Variants in KIF13B observed in about 807,000 individuals in gnomAD.
KIF13B encodes kinesin-like protein KIF13B.
Under a neutral mutation model 222.0 loss-of-function variants are expected in KIF13B, and 127 were observed. That is an observed-to-expected ratio of 0.57 (90% CI 0.50 to 0.66). KIF13B has a LOEUF of 0.66. Among genes scored for constraint, KIF13B ranks in the 30% least tolerant of loss-of-function variants. The pLI, the probability that KIF13B is intolerant of heterozygous loss-of-function variation, is 0.00. For synonymous variants in KIF13B, 976 were observed against 919.0 expected (o/e 1.06, Z -1.12); for missense variants, 2,173 against 2,379.0 (o/e 0.91, Z 1.80).
At chr8:29,243,410 A>C (rs1171836235) in intron 2 of KIF13B, among the ~76,000 whole-genome samples, 1 of 151,472 alleles carries the variant, frequency 6.6e-6, no homozygotes, top group African/African-American at 2.4e-5. Context: ...TAATCCCAGC[A>C]CTTTGGGAGG....
At chr8:29,084,481 T>C (rs1034299394) in intron 37 of KIF13B, among the ~76,000 whole-genome samples, 4 of 152,212 alleles carry the variant, frequency 2.6e-5, no homozygotes, top group Non-Finnish European at 4.4e-5. Context: ...TTTATCTACC[T>C]ACCACACGTG....
chr8:29,211,710 G>T (rs993673119), intron 2 of KIF13B, among the ~76,000 whole-genome samples: 2 of 152,224 alleles, frequency 1.3e-5, no homozygotes, highest in Non-Finnish European at 2.9e-5. Context: ...GAGCTTGCAC[G>T]GGGCTTGGAG....
Position 29,167,483 on chromosome 8 carries a change from C to T in KIF13B, c.1048G>A (p.Ala350Thr), listed in dbSNP as rs757905032. 1.2e-6 allele frequency: 2 copies of T among 1,613,850 alleles called. No homozygotes were observed. Among genetic ancestry groups the T allele is most frequent in the African/African-American group, 2.7e-5 (2 of 74,918 alleles). The change falls in exon 11 of 40, where the codon GCC (alanine) becomes ACC (threonine). Residue 350 changes from alanine to threonine, a missense_variant. Ala to Thr is a moderately conservative substitution (Grantham distance 58). This residue lies in a region of KIF13B where 1,480 missense variants were observed against 1,722.8 expected (regional missense o/e 0.86). Transcript: ENST00000524189. Reference protein sequence around the residue: ...TLSTLRYADRAKHIVNHAVVN... With the variant: ...TLSTLRYADRTKHIVNHAVVN... ...ACAGCGTGGTTTACAATGTGCTTGG[C>T]TCGATCTGCATACCGCAGAGTTGAG...
At position 29,147,401 on chromosome 8, in the gene KIF13B, G is replaced by A. The variant is rs1261348356; in HGVS notation, c.2015C>T (p.Ala672Val). ...CCTCTGTGCCGCCTACCTCTCCTCAGCCCACTGTCTTAAGCGTTGCTGAGC... is the reference window on the plus strand; with the variant it reads ...CCTCTGTGCCGCCTACCTCTCCTCAACCCACTGTCTTAAGCGTTGCTGAGC... ...PSAQQRLRQW[A>V]EEREATLNNS... Residue 672 changes from alanine (A) to valine (V), a missense_variant, in exon 17 of 40, where the codon GCT becomes GTT. Physicochemically the swap from Ala to Val is moderately conservative, Grantham distance 64 (BLOSUM62 0). Transcript: ENST00000524189. The A allele has an allele frequency of 6.2e-7, 1 of 1,603,752 alleles. No homozygotes were observed. Among genetic ancestry groups the A allele is most frequent in the South Asian group, 1.1e-5 (1 of 89,034 alleles).
At chr8:29,093,538 A>G (rs1808392988) in intron 36 of KIF13B, among the ~76,000 whole-genome samples, 1 of 152,240 alleles carries the variant, frequency 6.6e-6, no homozygotes, top group African/African-American at 2.4e-5. Flanking sequence ...CATAAGTGAT[A>G]AAAAGCCGTA....
Position 29,150,385 on chromosome 8 carries a change from T to C in KIF13B, c.1536-2A>G. ...ACAGATGACCCATTTACAAATGTTC[T>C]GTAAGGAGAAGAGATCAAACGTGAA... is the stretch of plus-strand genomic sequence containing the variant. On this transcript the variant is annotated splice_acceptor_variant, in intron 14 of 39. Coordinates refer to ENST00000524189, the MANE Select transcript of KIF13B (RefSeq NM_015254.4). LOFTEE classifies it high-confidence loss of function. 6.6e-7 allele frequency: 1 copy of C among 1,517,840 alleles called. No individual in the cohort carries two copies. Among genetic ancestry groups the C allele is most frequent in the Non-Finnish European group, 9.1e-7 (1 of 1,098,222 alleles). 94.0% of individuals were successfully genotyped at this position (1,517,840 alleles called of 1,614,324 possible).
chr8:29,071,541 G>C lies in KIF13B; in HGVS notation c.5218+79C>G, dbSNP rs548460976. Reference sequence around the variant, plus strand: ...CCCCTCCCTCTCCTGCCCGGACCCTGTCCCCTCCCAGGCCGGCCACGTTCC... The same window carrying C: ...CCCCTCCCTCTCCTGCCCGGACCCTCTCCCCTCCCAGGCCGGCCACGTTCC... On this transcript the variant is annotated intron_variant, in intron 39 of 39. Coordinates refer to ENST00000524189, the MANE Select transcript of KIF13B (RefSeq NM_015254.4). The surrounding 1 kb of genome is among the most constrained non-coding windows in gnomAD (Gnocchi z 4.9). 5.3e-6 allele frequency: 7 copies of C among 1,315,426 alleles called. No homozygotes were observed. Among genetic ancestry groups the C allele is most frequent in the Non-Finnish European group, 6.3e-6 (6 of 947,724 alleles). 81.5% of individuals were successfully genotyped at this position (1,315,426 alleles called of 1,614,324 possible).
intron 1 of KIF13B, 50 bp downstream of exon 1, chr8:29,262,930 C>T: frequency 6.7e-7 from 1 of 1,483,612 alleles, no homozygotes; most frequent in Non-Finnish European, 9.0e-7. Context: ...AAGGGCGCGC[C>T]AGGCACCTGC....
At chr8:29,250,168 T>G in intron 1 of KIF13B, 1 of 599,688 alleles carries the variant, frequency 1.7e-6, no homozygotes, top group Non-Finnish European at 2.7e-6. Flanking sequence ...ATTAGTTTCT[T>G]GCAAGAACAT....
intron 13 of KIF13B, among the ~76,000 whole-genome samples, chr8:29,158,616 G>A (rs985852101): frequency 3.9e-5 from 6 of 152,170 alleles, no homozygotes; most frequent in African/African-American, 1.2e-4. Flanking sequence ...CTTTTGAATT[G>A]GAAGGCAAAG....
intron 2 of KIF13B, among the ~76,000 whole-genome samples, chr8:29,215,170 A>G (rs1814417047): frequency 6.6e-6 from 1 of 151,964 alleles, no homozygotes; most frequent in African/African-American, 2.4e-5. Flanking sequence ...AACATCCTGG[A>G]GGAAACATGT....
rs1408546453 is a variant in KIF13B at position 29,142,290 on chromosome 8, A to G, written c.2201T>C (p.Leu734Pro). ...TCTCACCTGGATTGCAGGCTCACTA[A>G]GAAGAGAGCCTCGCTGCAAAGAGAG... ...LDANRKRGSLLSEPAIQVRRK... is the reference protein window; with the variant it reads ...LDANRKRGSLPSEPAIQVRRK... The change falls in exon 19 of 40, where the codon CTT (leucine) becomes CCT (proline). Residue 734 changes from leucine (L) to proline (P), a missense_variant. By Grantham distance (98) the Leu-to-Pro change is moderately conservative. Transcript: ENST00000524189. 1 of 1,612,934 alleles carries G rather than the reference A, an allele frequency of 6.2e-7. No homozygotes were observed. Among genetic ancestry groups the G allele is most frequent in the Non-Finnish European group, 8.5e-7 (1 of 1,179,338 alleles).
At chr8:29,116,465 T>C (rs1028231913) in intron 31 of KIF13B, among the ~76,000 whole-genome samples, 2 of 151,332 alleles carry the variant, frequency 1.3e-5, no homozygotes, top group Non-Finnish European at 2.9e-5. Context: ...CAAGACTCTA[T>C]CTTAAAAAAA....
chr8:29,148,617 G>A lies in KIF13B; in HGVS notation c.1773C>T (p.Tyr591=), dbSNP rs773761059. The part of the protein sequence containing the change: ...VSSEVNFNYE[Y]AQMEVTMKAL... ...CCTTCATGGTGACCTCCATCTGTGC[G>A]TATTCGTAATTAAAGTTAACTTCAC... Residue 591 remains tyrosine, a synonymous_variant, in exon 16 of 40, where the codon TAC becomes TAT. Coordinates refer to ENST00000524189, the MANE Select transcript of KIF13B (RefSeq NM_015254.4). The A allele has an allele frequency of 1.4e-5, 23 of 1,612,328 alleles. No individual in the cohort carries two copies. The Admixed American group carries it at 1.7e-4, about 12-fold the overall frequency.
chr8:29,104,695 GC>G lies in KIF13B; in HGVS notation c.4215+3443del, dbSNP rs562757657. On this transcript the variant is annotated intron_variant, in intron 35 of 39. Transcript: ENST00000524189. ...ATGACGTCAAGATGCCAAAAATAAG[GC>G]CCCGCCTCTCTGGGTTCTGCCCACA... Among the ~76,000 whole-genome samples the G allele has an allele frequency of 2.3e-4, 35 of 151,716 alleles. No homozygotes were observed. In the East Asian group the frequency reaches 6.6e-3, roughly 29 times the overall value.
At chr8:29,104,225 G>A (rs895811798) in intron 35 of KIF13B, among the ~76,000 whole-genome samples, 5 of 151,414 alleles carry the variant, frequency 3.3e-5, no homozygotes, top group Admixed American at 6.6e-5. Context: ...GCTTCAACTC[G>A]GACACCTGAG....
Position 29,087,456 on chromosome 8 carries a change from C to A in KIF13B, c.4458+5289G>T, listed in dbSNP as rs149588372. On this transcript the variant is annotated intron_variant, in intron 37 of 39. Coordinates refer to ENST00000524189, the MANE Select transcript of KIF13B (RefSeq NM_015254.4). The stretch of plus-strand genomic sequence containing the variant: ...AAAACAACATCAAAGATAAAAAATT[C>A]TAGGAATGAATCTGAAGTTCCTCAT... Among the ~76,000 whole-genome samples the A allele has an allele frequency of 1.6e-3, 249 of 152,290 alleles. 1 individual carries two copies. Among genetic ancestry groups the A allele is most frequent in the African/African-American group, 5.7e-3 (237 of 41,550 alleles).
intron 37 of KIF13B, among the ~76,000 whole-genome samples, chr8:29,089,691 C>T (rs1052186034): frequency 2.0e-5 from 3 of 151,760 alleles, no homozygotes; most frequent in Non-Finnish European, 4.4e-5. Flanking sequence ...GTTAGGAGTT[C>T]GAGACCAGCC....
At chr8:29,086,943 G>A (rs1808070611) in intron 37 of KIF13B, among the ~76,000 whole-genome samples, 2 of 152,220 alleles carry the variant, frequency 1.3e-5, no homozygotes, top group Non-Finnish European at 2.9e-5. Context: ...ACTCAAAACA[G>A]AGAGGAAAGT....
Sources: allele counts gnomAD v4.1 joint callset (sites outside exome capture counted in the v4.1 genomes callset), GRCh38; gene constraint gnomAD v4.1.1; regional missense constraint gnomAD v4.1.1; non-coding constraint Gnocchi (gnomAD v3.1); transcripts MANE v1.5; gene names NCBI Gene and HGNC (gene_info 2026-07-23, HGNC 2026-07-21).